The following CR1 variants were observed in gnomAD, a reference collection of about 807,000 sequenced individuals.
CR1 encodes the protein complement C3b/C4b receptor 1 (Knops blood group).
In CR1, 116 loss-of-function variants were observed where a neutral mutation model predicts 187.3. That is an observed-to-expected ratio of 0.62 (90% CI 0.53 to 0.72). The LOEUF (loss-of-function observed/expected upper bound fraction) is 0.72. Ranked by LOEUF, CR1 falls within the 30% of genes least tolerant of loss-of-function variation. CR1 has a pLI of 0.00. For synonymous variants in CR1, 576 were observed against 747.1 expected (o/e 0.77, Z 3.73); for missense variants, 1,731 against 2,110.7 (o/e 0.82, Z 3.52).
At chr1:207,607,162 G>A (rs1661776750) in intron 35 of CR1, 89 bp from the exon 36 acceptor site, 1 of 1,024,656 alleles carries the variant, frequency 9.8e-7, no homozygotes, top group Non-Finnish European at 1.5e-6. Flanking sequence ...GTCCTGTAAT[G>A]TCTAATGTCT....
At chr1:207,518,116 T>G (rs1659860090) in intron 4 of CR1, among the ~76,000 whole-genome samples, 1 of 152,152 alleles carries the variant, frequency 6.6e-6, no homozygotes, top group African/African-American at 2.4e-5. Flanking sequence ...TCTAAAACTG[T>G]TTTATTTATT....
In CR1 at chr1:207,639,479, A is replaced by C; in HGVS notation, c.*70A>C. On this transcript the variant is annotated 3_prime_UTR_variant, in exon 47 of 47. Transcript: ENST00000367049. ...GGGAAAGGAGCCAATTGATTTCAAC[A>C]GAATCAGATCTGAGCTTCATAAAGT... The C allele has an allele frequency of 7.0e-7, 1 of 1,437,664 alleles. No homozygotes were observed. Among genetic ancestry groups the C allele is most frequent in the Non-Finnish European group, 9.6e-7 (1 of 1,040,340 alleles). The allele number at this position is 1,437,664 out of a possible 1,614,324, so 89.1% of individuals were successfully genotyped here. A position where few individuals can be genotyped will look rare whatever the true frequency, so the allele number is the denominator to read the frequency against.
At chr1:207,609,842 A>G (rs1190071710) in intron 37 of CR1, among the ~76,000 whole-genome samples, 154 bp downstream of exon 37, 2 of 152,198 alleles carry the variant, frequency 1.3e-5, no homozygotes, top group Non-Finnish European at 2.9e-5. Context: ...AATTGTCTCA[A>G]AGTAATGGCT....
chr1:207,525,349 G>A (rs551548388), intron 5 of CR1, among the ~76,000 whole-genome samples: 1 of 151,954 alleles, frequency 6.6e-6, no homozygotes, highest in Admixed American at 6.5e-5. Flanking sequence ...TCAGGGAGCT[G>A]CTGTGGCTCC....
At chr1:207,498,766 T>C (rs1165628871) in intron 1 of CR1, among the ~76,000 whole-genome samples, 1 of 150,294 alleles carries the variant, frequency 6.7e-6, no homozygotes, top group Non-Finnish European at 1.5e-5. Flanking sequence ...TAGTCCCAGC[T>C]ACTCGGGAGG....
chr1:207,593,040 A>G (rs1661320544), intron 35 of CR1, among the ~76,000 whole-genome samples: 3 of 145,770 alleles, frequency 2.1e-5, no homozygotes, highest in Non-Finnish European at 3.0e-5. Flanking sequence ...TATACAGTCA[A>G]TGCTATCCCC....
intron 5 of CR1, among the ~76,000 whole-genome samples, chr1:207,525,119 A>G (rs1172572684): frequency 6.6e-6 from 1 of 151,860 alleles, no homozygotes; most frequent in Non-Finnish European, 1.5e-5. Context: ...TCTCGAGAGA[A>G]CTCTATCACA....
At chr1:207,634,726 C>T (rs1449716545) in intron 46 of CR1, among the ~76,000 whole-genome samples, 1 of 152,136 alleles carries the variant, frequency 6.6e-6, no homozygotes, top group Non-Finnish European at 1.5e-5. Context: ...ACGTGGATAC[C>T]TTGTACTAAA....
chr1:207,628,465 A>G (rs570146723), intron 45 of CR1, among the ~76,000 whole-genome samples: 1 of 152,224 alleles, frequency 6.6e-6, no homozygotes, highest in Admixed American at 6.5e-5. Flanking sequence ...ACCATTTATT[A>G]TCTTCTTTGG....
intron 46 of CR1, among the ~76,000 whole-genome samples, chr1:207,632,470 A>C (rs980465416): frequency 2.6e-5 from 4 of 152,254 alleles, no homozygotes; most frequent in Admixed American, 1.3e-4. Flanking sequence ...AGGAAAAGAC[A>C]AATAAATAAT....
chr1:207,589,921 A>G (rs931672362), intron 35 of CR1, among the ~76,000 whole-genome samples: 5 of 152,230 alleles, frequency 3.3e-5, no homozygotes. Context: ...AAAGAATGAA[A>G]AGGAATGAAC....
chr1:207,585,059 T>C (rs1177610975), intron 33 of CR1, among the ~76,000 whole-genome samples, 183 bp downstream of exon 33: 1 of 152,168 alleles, frequency 6.6e-6, no homozygotes, highest in African/African-American at 2.4e-5. Context: ...TGTTTGAATC[T>C]ATAAGATGAA....
chr1:207,626,441 T>C (rs1183695751), intron 45 of CR1, among the ~76,000 whole-genome samples: 2 of 152,156 alleles, frequency 1.3e-5, no homozygotes, highest in Non-Finnish European at 2.9e-5. Context: ...GATTATTCCT[T>C]ATCTGGAGCT....
intron 46 of CR1, among the ~76,000 whole-genome samples, chr1:207,633,896 G>T (rs1222020535): frequency 6.6e-6 from 1 of 152,136 alleles, no homozygotes; most frequent in Non-Finnish European, 1.5e-5. Context: ...ATTTGGGCAG[G>T]TAAAGGAAAA....
intron 3 of CR1, among the ~76,000 whole-genome samples, 169 bp from the exon 4 acceptor site, chr1:207,511,400 C>A (rs1247043134): frequency 1.3e-5 from 2 of 152,076 alleles, no homozygotes; most frequent in African/African-American, 2.4e-5. Flanking sequence ...AAAAGAAAGT[C>A]AAAAAGTCCC....
chr1:207,587,390 CTG>C lies in CR1; in HGVS notation c.5537_5538del (p.Cys1846Ter). 1 of 1,611,880 alleles carries C rather than the reference CTG, an allele frequency of 6.2e-7. No individual in the cohort carries two copies. The highest frequency in any genetic ancestry group is 8.5e-7 in the Non-Finnish European group (1 of 1,178,768). The part of the protein sequence containing the change: ...RCELSVRAGH[C>X]KTPEQFPFAS... ...TCCTGTGGTTTTTCTCTCCAGGTCA[CTG>C]TAAAACCCCAGAGCAGTTTCCATTT... On this transcript the variant is annotated frameshift_variant, in exon 34 of 47. Transcript: ENST00000367049. LOFTEE classifies it high-confidence loss of function.
chr1:207,597,398 C>T (rs1661479632), intron 35 of CR1, among the ~76,000 whole-genome samples: 1 of 152,118 alleles, frequency 6.6e-6, no homozygotes, highest in Non-Finnish European at 1.5e-5. Flanking sequence ...GGCACAAGAC[C>T]TGTGCACTGA....
At chr1:207,595,764 G>T (rs540898105) in intron 35 of CR1, among the ~76,000 whole-genome samples, 1 of 151,110 alleles carries the variant, frequency 6.6e-6, no homozygotes, top group South Asian at 2.1e-4. Flanking sequence ...TTGTATCAAA[G>T]AAATATTAAT....
At position 207,594,110 on chromosome 1, in the gene CR1, C is replaced by T. The variant is rs1661358340; in HGVS notation, c.5810+5336C>T. Among the ~76,000 whole-genome samples the T allele has an allele frequency of 2.0e-5, 3 of 152,254 alleles. No individual in the cohort carries two copies. The South Asian group carries it at 6.2e-4, about 32-fold the overall frequency. On this transcript the variant is annotated intron_variant, in intron 35 of 46. Transcript: ENST00000367049. ...CAGCAATCCCATTACTGAGTATATA[C>T]CCAAAGGATTATAAATCATCCTTCT...
Sources: allele counts gnomAD v4.1 joint callset (sites outside exome capture counted in the v4.1 genomes callset), GRCh38; gene constraint gnomAD v4.1.1; transcripts MANE v1.5; gene names NCBI Gene and HGNC (gene_info 2026-07-23, HGNC 2026-07-21).